The following DKK2 variants were observed in gnomAD, a reference collection of about 807,000 sequenced individuals.
The protein encoded by DKK2 is dickkopf Wnt signaling pathway inhibitor 2, also known as dickkopf-related protein 2.
DKK2 carries 11 observed loss-of-function variants against 28.1 expected under a neutral mutation model. The ratio of observed to expected loss-of-function variants is 0.39; its 90% CI spans 0.25 to 0.65. The LOEUF is 0.65. DKK2 is among the 30% of genes least tolerant of loss of function. The probability of loss-of-function intolerance (pLI) is 0.47; values close to 1 mark genes in which losing one functional copy is unlikely to be tolerated. For synonymous variants in DKK2, 135 were observed against 126.5 expected (o/e 1.07, Z -0.45); for missense variants, 326 against 335.5 (o/e 0.97, Z 0.22).
chr4:106,994,245 C>T (rs1261713788), intron 1 of DKK2, among the ~76,000 whole-genome samples: 1 of 152,122 alleles, frequency 6.6e-6, no homozygotes, highest in Non-Finnish European at 1.5e-5. Flanking sequence ...AGACAAAAGC[C>T]GAGCCTTCAG....
At chr4:107,007,327 G>A (rs1449082765) in intron 1 of DKK2, among the ~76,000 whole-genome samples, 1 of 151,938 alleles carries the variant, frequency 6.6e-6, no homozygotes, top group Non-Finnish European at 1.5e-5. Context: ...TTATCATTAT[G>A]GTTTAAGCAA....
Position 106,939,803 on chromosome 4 carries a change from T to C in DKK2, c.223-13854A>G, listed in dbSNP as rs1195711344. On this transcript the variant is annotated intron_variant, in intron 1 of 3. Transcript: ENST00000285311. Reference sequence around the variant, plus strand: ...AGAACAGAGCCCTCAGAAATAATGCTGCATATCTACAACTATCTGATCTTT... The same window carrying C: ...AGAACAGAGCCCTCAGAAATAATGCCGCATATCTACAACTATCTGATCTTT... Among the ~76,000 whole-genome samples the C allele has an allele frequency of 1.3e-3, 198 of 152,126 alleles. 2 individuals are homozygous for C. The Middle Eastern group carries it at 0.017, about 13-fold the overall frequency.
Position 106,976,597 on chromosome 4 carries a change from C to A in DKK2, c.223-50648G>T, listed in dbSNP as rs543746669. On this transcript the variant is annotated intron_variant, in intron 1 of 3. Transcript: ENST00000285311. Reference sequence around the variant, plus strand: ...TTTTCTTTCCACTTGCTTGGTAGATCTTCCTCCATCCCTTTATTTTAAGCA... The same window carrying A: ...TTTTCTTTCCACTTGCTTGGTAGATATTCCTCCATCCCTTTATTTTAAGCA... Among the ~76,000 whole-genome samples, 40 of 152,106 alleles carry A rather than the reference C, an allele frequency of 2.6e-4. No homozygotes were observed. The South Asian group carries it at 8.3e-3, about 32-fold the overall frequency.
chr4:107,001,709 AT>A (rs1325206658), intron 1 of DKK2, among the ~76,000 whole-genome samples: 1 of 152,176 alleles, frequency 6.6e-6, no homozygotes, highest in Non-Finnish European at 1.5e-5. Flanking sequence ...ACCATGTTTC[AT>A]ACCATTCAGT....
chr4:106,966,203 G>T (rs78904478), intron 1 of DKK2, among the ~76,000 whole-genome samples: 25 of 152,286 alleles, frequency 1.6e-4, no homozygotes, highest in African/African-American at 5.8e-4. Context: ...TAATTAATTT[G>T]TGCTCATGAG....
chr4:106,978,166 G>A (rs746732362), intron 1 of DKK2, among the ~76,000 whole-genome samples: 7 of 152,106 alleles, frequency 4.6e-5, no homozygotes, highest in South Asian at 2.1e-4. Context: ...CCTGTATGAG[G>A]TGCCTGTCGA....
At chr4:106,962,950 C>T (rs756897762) in intron 1 of DKK2, among the ~76,000 whole-genome samples, 11 of 152,090 alleles carry the variant, frequency 7.2e-5, no homozygotes, top group Admixed American at 3.9e-4. Flanking sequence ...AAAGAGGCTA[C>T]TCAGGAGGCT....
Position 106,925,797 on chromosome 4 carries a change from A to C in DKK2, c.373+2T>G, listed in dbSNP as rs780291287. On this transcript the variant is annotated splice_donor_variant, in intron 2 of 3. Coordinates refer to ENST00000285311, the MANE Select transcript of DKK2 (RefSeq NM_014421.3). LOFTEE classifies it high-confidence loss of function. ...CCATTAACACTTAGTGAGATCTTTTACCATTATTGCAGCGGGTACTGGGGC... is the reference window on the plus strand; with the variant it reads ...CCATTAACACTTAGTGAGATCTTTTCCCATTATTGCAGCGGGTACTGGGGC... 2 of 1,605,032 alleles carry C rather than the reference A, an allele frequency of 1.2e-6. No individual in the cohort carries two copies. Among genetic ancestry groups the C allele is most frequent in the Non-Finnish European group, 1.7e-6 (2 of 1,176,600 alleles).
At chr4:106,925,557 C>T (rs950788796) in intron 2 of DKK2, among the ~76,000 whole-genome samples, 2 of 152,194 alleles carry the variant, frequency 1.3e-5, no homozygotes, top group African/African-American at 4.8e-5. Flanking sequence ...GCTATTTATA[C>T]ACAACACTTC....
intron 1 of DKK2, among the ~76,000 whole-genome samples, chr4:106,969,366 C>A (rs942742593): frequency 1.3e-5 from 2 of 151,644 alleles, no homozygotes; most frequent in African/African-American, 4.8e-5. Flanking sequence ...TTCTGGGATT[C>A]TCTCTGTAGT....
chr4:107,027,046 A>G (rs4956282), intron 1 of DKK2, among the ~76,000 whole-genome samples: 36,039 of 152,088 alleles, frequency 0.24, 4,654 homozygotes, highest in East Asian at 0.53. Flanking sequence ...AACCAGAGAA[A>G]AAAACAGAAA....
chr4:106,995,694 C>A (rs1723262437), intron 1 of DKK2, among the ~76,000 whole-genome samples: 1 of 152,276 alleles, frequency 6.6e-6, no homozygotes, highest in South Asian at 2.1e-4. Flanking sequence ...CTCACTGCAA[C>A]CTGCGCCTCC....
rs746559101 is a variant in DKK2 at position 106,925,778 on chromosome 4, A to G, written c.373+21T>C. On this transcript the variant is annotated intron_variant, in intron 2 of 3. Coordinates refer to ENST00000285311, the MANE Select transcript of DKK2 (RefSeq NM_014421.3). ...ATGATGAAAAGAAAGAGGCCCATTA[A>G]CACTTAGTGAGATCTTTTACCATTA... The G allele has an allele frequency of 5.0e-6, 8 of 1,593,608 alleles. No individual in the cohort carries two copies. In the South Asian group the frequency reaches 7.9e-5, roughly 16 times the overall value.
At chr4:106,976,803 C>T (rs1454562106) in intron 1 of DKK2, among the ~76,000 whole-genome samples, 1 of 152,098 alleles carries the variant, frequency 6.6e-6, no homozygotes, top group African/African-American at 2.4e-5. Context: ...GGTTATTTTG[C>T]CCATTAGTTG....
chr4:106,924,229 G>C (rs367938216), intron 3 of DKK2, 25 bp from the exon 4 acceptor site: 1 of 1,608,614 alleles, frequency 6.2e-7, no homozygotes, highest in Non-Finnish European at 8.5e-7. Flanking sequence ...ACCAATAGAT[G>C]TTACCCTGAC....
intron 1 of DKK2, among the ~76,000 whole-genome samples, chr4:106,952,353 T>C (rs765766702): frequency 3.6e-4 from 55 of 152,136 alleles, no homozygotes; most frequent in Non-Finnish European, 6.0e-4. Context: ...TTTAGTTAAT[T>C]TCCTTATAGA....
intron 1 of DKK2, among the ~76,000 whole-genome samples, chr4:107,027,755 G>GTTTTTTTTTTTT (rs1404063316): frequency 3.2e-5 from 4 of 124,028 alleles, no homozygotes; most frequent in Non-Finnish European, 5.2e-5. Flanking sequence ...CACCTATTAT[G>GTTTTTTTTTTTT]ATTTTTTTTT....
intron 1 of DKK2, among the ~76,000 whole-genome samples, chr4:106,971,636 G>C (rs1325036137): frequency 1.3e-5 from 2 of 152,032 alleles, no homozygotes; most frequent in Non-Finnish European, 2.9e-5. Flanking sequence ...TATTTCTACT[G>C]TCTTCCATCT....
At chr4:106,988,160 G>A (rs952469260) in intron 1 of DKK2, among the ~76,000 whole-genome samples, 9 of 152,164 alleles carry the variant, frequency 5.9e-5, no homozygotes, top group Non-Finnish European at 1.0e-4. Flanking sequence ...CACCGCACCC[G>A]GCCCAATGTT....
Sources: allele counts gnomAD v4.1 joint callset (sites outside exome capture counted in the v4.1 genomes callset), GRCh38; gene constraint gnomAD v4.1.1; transcripts MANE v1.5; gene names NCBI Gene and HGNC (gene_info 2026-07-23, HGNC 2026-07-21).